The following LRP1B variants were observed in gnomAD, a reference collection of about 807,000 sequenced individuals.
The protein encoded by LRP1B is LDL receptor related protein 1B.
A neutral mutation model predicts 556.6 loss-of-function variants in LRP1B; 217 were observed. The ratio of observed to expected loss-of-function variants is 0.39; its 90% confidence interval spans 0.35 to 0.44. The LOEUF is 0.44. LRP1B is among the 20% of genes least tolerant of loss of function. LRP1B has a pLI of 1.00. For missense variants in LRP1B, 5,053 were observed against 5,620.8 expected, an observed-to-expected ratio of 0.90 and a Z score of 3.23; for synonymous variants, 2,047 against 1,865.8, an observed-to-expected ratio of 1.10 and a Z score of -2.50.
chr2:141,491,135 GATTC>G (rs1364725216), intron 2 of LRP1B, among the ~76,000 whole-genome samples: 1 of 152,050 alleles, frequency 6.6e-6, no homozygotes, highest in African/African-American at 2.4e-5. Flanking sequence ...ATTGTTGATT[GATTC>G]TCATATCACA....
intron 84 of LRP1B, among the ~76,000 whole-genome samples, chr2:140,277,313 C>T (rs1045429954): frequency 6.6e-6 from 1 of 151,802 alleles, no homozygotes; most frequent in Non-Finnish European, 1.5e-5. Context: ...GGGCTGGGTG[C>T]GGTAGCTCAC....
chr2:141,919,272 T>C (rs575302230), intron 1 of LRP1B, among the ~76,000 whole-genome samples: 1 of 152,132 alleles, frequency 6.6e-6, no homozygotes, highest in African/African-American at 2.4e-5. Flanking sequence ...GTTTCAAAAT[T>C]CAAATGCTAT....
At chr2:141,776,079 C>G (rs909732218) in intron 2 of LRP1B, among the ~76,000 whole-genome samples, 2 of 152,088 alleles carry the variant, frequency 1.3e-5, no homozygotes, top group African/African-American at 4.8e-5. Flanking sequence ...ATCTCCTGAC[C>G]TCATGATCTG....
intron 41 of LRP1B, among the ~76,000 whole-genome samples, chr2:140,676,771 T>C (rs1685685419): frequency 6.6e-6 from 1 of 152,206 alleles, no homozygotes; most frequent in African/African-American, 2.4e-5. Context: ...CCTTGTATTA[T>C]AGGACATTTC....
intron 1 of LRP1B, among the ~76,000 whole-genome samples, chr2:141,886,932 T>A (rs1187035867): frequency 6.6e-6 from 1 of 151,772 alleles, no homozygotes; most frequent in Admixed American, 6.6e-5. Context: ...TGTGTGTGTA[T>A]GTGTGTGAGG....
At position 141,586,884 on chromosome 2, in the gene LRP1B, G is replaced by C. The variant is rs544662517; in HGVS notation, c.206-106351C>G. 8.7e-4 allele frequency among the ~76,000 whole-genome samples: 131 copies of C among 150,222 alleles called. 2 individuals carry two copies. Among genetic ancestry groups the C allele is most frequent in the African/African-American group, 3.1e-3 (126 of 41,048 alleles). ...GTGAACTCGGGAGGTGGAGCTTGCA[G>C]TGAGCCGAGATCGTGCCACTGCACT... On this transcript the variant is annotated intron_variant, in intron 2 of 90. Transcript: ENST00000389484.
intron 24 of LRP1B, among the ~76,000 whole-genome samples, chr2:140,884,937 C>T (rs1482424772): frequency 6.6e-6 from 1 of 152,098 alleles, no homozygotes; most frequent in African/African-American, 2.4e-5. Context: ...TGGTCTCAAA[C>T]TCATGGGCTT....
intron 60 of LRP1B, among the ~76,000 whole-genome samples, chr2:140,462,509 C>A (rs1463557658): frequency 6.6e-6 from 1 of 152,148 alleles, no homozygotes; most frequent in Non-Finnish European, 1.5e-5. Flanking sequence ...AATAGACAGG[C>A]TCAGCCACTG....
At chr2:141,677,099 G>A (rs914190001) in intron 2 of LRP1B, among the ~76,000 whole-genome samples, 12 of 151,976 alleles carry the variant, frequency 7.9e-5, no homozygotes, top group African/African-American at 1.7e-4. Flanking sequence ...ATTTAGTCCC[G>A]GCTGGAAGAG....
intron 66 of LRP1B, among the ~76,000 whole-genome samples, chr2:140,391,884 C>T (rs548263041): frequency 2.8e-4 from 42 of 152,188 alleles, no homozygotes; most frequent in African/African-American, 8.4e-4. Context: ...TATTTATGCT[C>T]ATCAATCATG....
intron 41 of LRP1B, among the ~76,000 whole-genome samples, chr2:140,686,496 A>G (rs1182090942): frequency 1.3e-5 from 2 of 152,012 alleles, no homozygotes; most frequent in Admixed American, 6.6e-5. Context: ...ATAAAAATTT[A>G]AAATAATAAT....
At chr2:140,617,140 T>C (rs944619676) in intron 41 of LRP1B, among the ~76,000 whole-genome samples, 1 of 151,980 alleles carries the variant, frequency 6.6e-6, no homozygotes, top group Non-Finnish European at 1.5e-5. Flanking sequence ...GAGTTTATGC[T>C]ATTTAATCTT....
intron 33 of LRP1B, among the ~76,000 whole-genome samples, chr2:140,772,930 T>C (rs913988386): frequency 8.6e-5 from 13 of 151,832 alleles, no homozygotes; most frequent in African/African-American, 3.1e-4. Flanking sequence ...CAAAACCCCA[T>C]CTCTACTGAA....
rs564374176 is a variant in LRP1B at position 141,662,394 on chromosome 2, T to A, written c.205+147885A>T. ...AAAAGACACAGAATGACAAGCTGCA[T>A]AAAGAGTCAAGACCCATCAAAGTGC... On this transcript the variant is annotated intron_variant, in intron 2 of 90. Transcript: ENST00000389484. Among the ~76,000 whole-genome samples the A allele has an allele frequency of 7.2e-5, 11 of 152,148 alleles. No homozygotes were observed. The South Asian group carries it at 1.2e-3, about 17-fold the overall frequency.
intron 3 of LRP1B, among the ~76,000 whole-genome samples, chr2:141,442,306 T>C (rs905782873): frequency 6.6e-6 from 1 of 152,158 alleles, no homozygotes; most frequent in Non-Finnish European, 1.5e-5. Context: ...TATATCTTAC[T>C]TTTTACAAAA....
At chr2:140,485,288 T>C (rs2105362223) in intron 59 of LRP1B, 55 bp downstream of exon 59, 1 of 1,378,072 alleles carries the variant, frequency 7.3e-7, no homozygotes, top group African/African-American at 1.4e-5. Flanking sequence ...CTAGATTTAC[T>C]ACTATGAATG....
chr2:140,292,554 C>T (rs1683430831), intron 84 of LRP1B, among the ~76,000 whole-genome samples: 1 of 152,042 alleles, frequency 6.6e-6, no homozygotes, highest in African/African-American at 2.4e-5. Context: ...TTCTTGATTT[C>T]TTGTGATTTC....
In LRP1B at chr2:140,238,089, A is replaced by G. The variant is rs1680789971; in HGVS notation, c.13560+63T>C. The G allele has an allele frequency of 3.5e-6, 5 of 1,448,206 alleles. No individual in the cohort carries two copies. In the African/African-American group the frequency reaches 4.3e-5, roughly 13 times the overall value. The allele number at this position is 1,448,206 out of a possible 1,614,324, so 89.7% of individuals were successfully genotyped here. A position where few individuals can be genotyped will look rare whatever the true frequency, so the allele number is the denominator to read the frequency against. On this transcript the variant is annotated intron_variant, in intron 89 of 90. Coordinates refer to ENST00000389484, the MANE Select transcript of LRP1B (RefSeq NM_018557.3). ...GAAAAACTTGGTGAAATTCAGAACC[A>G]TAAAACAGAGATGCGACTCAAGAAT...
At chr2:141,605,655 G>A (rs554860452) in intron 2 of LRP1B, among the ~76,000 whole-genome samples, 1 of 152,182 alleles carries the variant, frequency 6.6e-6, no homozygotes, top group African/African-American at 2.4e-5. Context: ...TAAACACACA[G>A]GTAAAGGCCA....
Sources: allele counts gnomAD v4.1 joint callset (sites outside exome capture counted in the v4.1 genomes callset), GRCh38; gene constraint gnomAD v4.1.1; transcripts MANE v1.5; gene names NCBI Gene and HGNC (gene_info 2026-07-23, HGNC 2026-07-21).